Variants in TMEM64 observed in about 807,000 individuals in gnomAD.
The protein encoded by TMEM64 is transmembrane protein 64.
Under a neutral mutation model 24.5 loss-of-function variants are expected in TMEM64, and 19 were observed. The ratio of observed to expected loss-of-function variants is 0.78; its 90% CI spans 0.54 to 1.14. The LOEUF (loss-of-function observed/expected upper bound fraction) is 1.14. Ranked by LOEUF, TMEM64 falls within the 50% of genes most tolerant of loss-of-function variation. The pLI is 0.00. For synonymous variants in TMEM64, 262 were observed against 224.7 expected (o/e 1.17, Z -1.49); for missense variants, 487 against 493.0 (o/e 0.99, Z 0.12).
At chr8:90,634,905 A>G (rs1429695638) in intron 1 of TMEM64, among the ~76,000 whole-genome samples, 3 of 152,200 alleles carry the variant, frequency 2.0e-5, no homozygotes, top group African/African-American at 7.2e-5. Flanking sequence ...TCTAAAAATC[A>G]TTTCACATTT....
At chr8:90,644,517 G>A (rs956260344) in intron 1 of TMEM64, among the ~76,000 whole-genome samples, 1 of 152,130 alleles carries the variant, frequency 6.6e-6, no homozygotes, top group African/African-American at 2.4e-5. Flanking sequence ...TCACCACCCC[G>A]TGATTTCGAA....
At chr8:90,636,399 G>A (rs1428305301) in intron 1 of TMEM64, among the ~76,000 whole-genome samples, 4 of 152,046 alleles carry the variant, frequency 2.6e-5, no homozygotes, top group South Asian at 4.1e-4. Context: ...GGGATTACAG[G>A]TGCACACCAC....
At chr8:90,638,119 C>T (rs1809550638) in intron 1 of TMEM64, among the ~76,000 whole-genome samples, 1 of 152,220 alleles carries the variant, frequency 6.6e-6, no homozygotes, top group South Asian at 2.1e-4. Context: ...CCTATGGTAA[C>T]CCTGCAGAAA....
intron 2 of TMEM64, among the ~76,000 whole-genome samples, chr8:90,628,502 G>A (rs569766177): frequency 2.0e-5 from 3 of 152,140 alleles, no homozygotes; most frequent in African/African-American, 7.2e-5. Context: ...TGGGATGTGG[G>A]GCAGTGTCGA....
intron 1 of TMEM64, among the ~76,000 whole-genome samples, chr8:90,639,737 AAAAT>A (rs1268252437): frequency 2.0e-5 from 3 of 152,232 alleles, no homozygotes; most frequent in Admixed American, 2.0e-4. Context: ...TGCAAAGAGA[AAAAT>A]AAACACGAAA....
intron 1 of TMEM64, among the ~76,000 whole-genome samples, chr8:90,636,208 A>T (rs1809515250): frequency 6.6e-6 from 1 of 152,220 alleles, no homozygotes; most frequent in African/African-American, 2.4e-5. Flanking sequence ...TAAACTATTA[A>T]TAACTTTATT....
At chr8:90,640,607 T>C (rs1586131095) in intron 1 of TMEM64, among the ~76,000 whole-genome samples, 2 of 152,150 alleles carry the variant, frequency 1.3e-5, no homozygotes, top group Non-Finnish European at 2.9e-5. Flanking sequence ...GCTAAGACTA[T>C]ACTGTATTTG....
intron 2 of TMEM64, among the ~76,000 whole-genome samples, chr8:90,626,625 C>CTTT (rs1223612676): frequency 3.6e-5 from 4 of 112,522 alleles, no homozygotes; most frequent in African/African-American, 1.7e-4. Context: ...CTTTTTTTTT[C>CTTT]TTTCTTTTTT....
In TMEM64 at chr8:90,625,637, A is replaced by G. The variant is rs368397424; in HGVS notation, c.*34T>C. On this transcript the variant is annotated 3_prime_UTR_variant, in exon 3 of 3. Coordinates refer to ENST00000458549, the MANE Select transcript of TMEM64 (RefSeq NM_001008495.4). The stretch of plus-strand genomic sequence containing the variant: ...GTGACTGCTAGACCTTAGATAGCAC[A>G]CTAGGCTCTTGACAATCACGTATCT... The G allele has an allele frequency of 2.0e-4, 315 of 1,581,890 alleles. 2 individuals are homozygous for G. The highest frequency in any genetic ancestry group is 2.4e-4 in the Non-Finnish European group (275 of 1,155,548).
chr8:90,645,005 G>A lies in TMEM64; in HGVS notation c.795+106C>T, dbSNP rs939571407. The A allele has an allele frequency of 1.6e-6, 2 of 1,246,492 alleles. No individual in the cohort carries two copies. Among genetic ancestry groups the A allele is most frequent in the East Asian group, 4.7e-5 (2 of 42,520 alleles). 77.2% of individuals were successfully genotyped at this position (1,246,492 alleles called of 1,614,324 possible). ...AGTAATCGTAACTCCTGCCGTCAAT[G>A]TCACTTCTCTGCTGGTATTTATCTG... is the stretch of plus-strand genomic sequence containing the variant. On this transcript the variant is annotated intron_variant, in intron 1 of 2. Coordinates refer to ENST00000458549, the MANE Select transcript of TMEM64 (RefSeq NM_001008495.4). This position sits in a 1 kb window ranked among gnomAD's most constrained non-coding sequence, Gnocchi z 4.2.
chr8:90,623,815 C>T lies in TMEM64; in HGVS notation c.*1856G>A, dbSNP rs946988824. On this transcript the variant is annotated 3_prime_UTR_variant, in exon 3 of 3. Transcript: ENST00000458549. ...GATTCCTTTCACAAAAACTAACCAACAAACAAGAAGCACAAGAAAAAGGTT... is the reference window on the plus strand; with the variant it reads ...GATTCCTTTCACAAAAACTAACCAATAAACAAGAAGCACAAGAAAAAGGTT... 4 of 151,872 alleles carry T rather than the reference C, an allele frequency of 2.6e-5. No individual in the cohort carries two copies. The highest frequency in any genetic ancestry group is 5.9e-5 in the Non-Finnish European group (4 of 67,846). The allele number at this position is 151,872 out of a possible 1,614,324, so 9.4% of individuals were successfully genotyped here. A position where few individuals can be genotyped will look rare whatever the true frequency, so the allele number is the denominator to read the frequency against.
intron 1 of TMEM64, among the ~76,000 whole-genome samples, chr8:90,639,081 TGA>T (rs2130507466): frequency 6.8e-6 from 1 of 148,068 alleles, no homozygotes; most frequent in South Asian, 2.1e-4. Context: ...CAAGCAACCC[TGA>T]GAGTACTGAA....
chr8:90,638,211 T>G (rs919553001), intron 1 of TMEM64, among the ~76,000 whole-genome samples: 11 of 152,186 alleles, frequency 7.2e-5, no homozygotes, highest in Non-Finnish European at 1.3e-4. Context: ...TGCTTCATGA[T>G]CTGGCCTCTG....
intron 2 of TMEM64, among the ~76,000 whole-genome samples, chr8:90,628,370 C>A (rs1173378214): frequency 6.6e-6 from 1 of 152,090 alleles, no homozygotes; most frequent in Non-Finnish European, 1.5e-5. Context: ...GAGAGGTAAT[C>A]TGCTGACAAT....
At position 90,638,929 on chromosome 8, in the gene TMEM64, G is replaced by A. The variant is rs115521450; in HGVS notation, c.795+6182C>T. On this transcript the variant is annotated intron_variant, in intron 1 of 2. Coordinates refer to ENST00000458549, the MANE Select transcript of TMEM64 (RefSeq NM_001008495.4). ...AAGGGAGAGACTTTCTTTTATTCAC[G>A]GCTACACCTCCAGCATTTAAAACAG... is the stretch of plus-strand genomic sequence containing the variant. Among the ~76,000 whole-genome samples the A allele has an allele frequency of 5.4e-3, 824 of 151,978 alleles. 3 individuals carry two copies. Among genetic ancestry groups the A allele is most frequent in the African/African-American group, 0.019 (785 of 41,408 alleles).
In TMEM64 at chr8:90,626,923, C is replaced by T. The variant is rs375386947; in HGVS notation, c.952-1061G>A. 4.6e-5 allele frequency among the ~76,000 whole-genome samples: 7 copies of T among 152,222 alleles called. No homozygotes were observed. In the South Asian group the frequency reaches 6.2e-4, roughly 14 times the overall value. ...GATTACAGGCATGAGCCACAGTGCC[C>T]GGCCAACTTTAGCATTCTATGTACA... is the stretch of plus-strand genomic sequence containing the variant. On this transcript the variant is annotated intron_variant, in intron 2 of 2. Coordinates refer to ENST00000458549, the MANE Select transcript of TMEM64 (RefSeq NM_001008495.4).
rs774253942 is a variant in TMEM64 at position 90,625,752 on chromosome 8, G to A, written c.1062C>T (p.Gly354=). Residue 354 remains glycine, a synonymous_variant, in exon 3 of 3, where the codon GGC becomes GGT. Coordinates refer to ENST00000458549, the MANE Select transcript of TMEM64 (RefSeq NM_001008495.4). ...AAGAGCCACTGGTATTTGGTTGATT[G>A]CCTTTAACCAGAGAAGATTTCAGTT... ...EMELKSSLVK[G]NQPNTSGSSF... The A allele has an allele frequency of 1.2e-6, 2 of 1,613,914 alleles. No homozygotes were observed. The highest frequency in any genetic ancestry group is 1.7e-6 in the Non-Finnish European group (2 of 1,179,896).
Position 90,645,363 on chromosome 8 carries a change from G to C in TMEM64, c.543C>G (p.Leu181=), listed in dbSNP as rs200765950. ...SFPCGWGYIV[L]NVAAGYLYGF... ...CGTACAGGTAGCCAGCGGCCACGTTGAGCACGATGTAGCCCCAGCCGCAGG... is the reference window on the plus strand; with the variant it reads ...CGTACAGGTAGCCAGCGGCCACGTTCAGCACGATGTAGCCCCAGCCGCAGG... The change falls in exon 1 of 3, where the codon CTC becomes CTG. Residue 181 remains leucine, a synonymous_variant. Coordinates refer to ENST00000458549, the MANE Select transcript of TMEM64 (RefSeq NM_001008495.4). The surrounding 1 kb of genome is among the most constrained non-coding windows in gnomAD (Gnocchi z 4.2). The C allele has an allele frequency of 1.7e-5, 27 of 1,552,700 alleles. No individual in the cohort carries two copies. In the African/African-American group the frequency reaches 3.1e-4, roughly 18 times the overall value.
chr8:90,640,957 G>GT (rs1256427027), intron 1 of TMEM64, among the ~76,000 whole-genome samples: 1 of 152,156 alleles, frequency 6.6e-6, no homozygotes, highest in Non-Finnish European at 1.5e-5. Flanking sequence ...AGGGTGATGG[G>GT]TAAGGTCTTG....
Sources: allele counts gnomAD v4.1 joint callset (sites outside exome capture counted in the v4.1 genomes callset), GRCh38; gene constraint gnomAD v4.1.1; non-coding constraint Gnocchi (gnomAD v3.1); transcripts MANE v1.5; gene names NCBI Gene and HGNC (gene_info 2026-07-23, HGNC 2026-07-21).